The following CA10 variants were observed in gnomAD, a reference collection of about 807,000 sequenced individuals.
The protein encoded by CA10 is carbonic anhydrase-related protein 10.
A neutral mutation model predicts 44.2 loss-of-function variants in CA10; 14 were observed. The observed-to-expected ratio is 0.32, with a 90% confidence interval of 0.21 to 0.50. The LOEUF (loss-of-function observed/expected upper bound fraction) is 0.50. Among genes scored for constraint, CA10 ranks in the 20% least tolerant of loss-of-function variants. CA10 has a pLI of 0.99. For synonymous variants in CA10, 159 were observed against 141.6 expected (o/e 1.12, Z -0.87); for missense variants, 350 against 409.7 (o/e 0.85, Z 1.26).
intron 3 of CA10, among the ~76,000 whole-genome samples, chr17:51,848,298 GT>G (rs1177923858): frequency 6.6e-6 from 1 of 152,102 alleles, no homozygotes; most frequent in Admixed American, 6.6e-5. Flanking sequence ...TGATTACTAA[GT>G]TTTTTTGGTG....
At chr17:51,861,314 C>T (rs1471248416) in intron 3 of CA10, among the ~76,000 whole-genome samples, 2 of 152,008 alleles carry the variant, frequency 1.3e-5, no homozygotes, top group Admixed American at 6.6e-5. Flanking sequence ...GTTTCTCCAA[C>T]GTTGCAGAAC....
At chr17:52,036,666 C>A (rs1334645381) in intron 2 of CA10, among the ~76,000 whole-genome samples, 1 of 152,120 alleles carries the variant, frequency 6.6e-6, no homozygotes, top group African/African-American at 2.4e-5. Flanking sequence ...TAGCCTGGGT[C>A]AGTTATTTAA....
rs1306902028 is a variant in CA10, at chr17:51,717,743, ATAC to A, written c.465+29887_465+29889del. On this transcript the variant is annotated intron_variant, in intron 4 of 8. Transcript: ENST00000451037. ...CGTATATATACATATATACGTATAT[ATAC>A]ATGTATATATACGTATATATGTATA... Among the ~76,000 whole-genome samples, 10 of 50,730 alleles carry A rather than the reference ATAC, an allele frequency of 2.0e-4. 3 individuals are homozygous for A. Among genetic ancestry groups the A allele is most frequent in the Non-Finnish European group, 7.9e-5 (2 of 25,158 alleles). The allele number at this position is 50,730 out of a possible 152,430, so 33.3% of individuals were successfully genotyped here.
intron 6 of CA10, among the ~76,000 whole-genome samples, chr17:51,645,364 C>G (rs1465424628): frequency 6.6e-6 from 1 of 152,206 alleles, no homozygotes. Flanking sequence ...CTGACCCCCT[C>G]TAGAATTAAT....
intron 3 of CA10, among the ~76,000 whole-genome samples, chr17:51,775,781 A>G (rs1905795806): frequency 6.6e-6 from 1 of 152,128 alleles, no homozygotes; most frequent in Non-Finnish European, 1.5e-5. Context: ...TAATATTTAA[A>G]CAGGACTCAG....
intron 1 of CA10, among the ~76,000 whole-genome samples, chr17:52,100,809 G>A (rs1988520222): frequency 6.6e-6 from 1 of 152,020 alleles, no homozygotes; most frequent in African/African-American, 2.4e-5. Context: ...ACCCACCATC[G>A]ATCTTGCCCT....
intron 3 of CA10, among the ~76,000 whole-genome samples, chr17:51,878,570 G>C (rs1404560656): frequency 6.6e-6 from 1 of 151,896 alleles, no homozygotes; most frequent in African/African-American, 2.4e-5. Context: ...ACTCAACTCT[G>C]TAGGCACCAG....
At chr17:51,735,918 G>A (rs1042371562) in intron 4 of CA10, among the ~76,000 whole-genome samples, 4 of 22,016 alleles carry the variant, frequency 1.8e-4, no homozygotes, top group Non-Finnish European at 3.9e-4. Flanking sequence ...AGTGATTGCC[G>A]GGGCTAGGGT....
At chr17:51,761,678 A>G (rs1294337976) in intron 3 of CA10, 1 of 152,142 alleles carries the variant, frequency 6.6e-6, no homozygotes, top group Non-Finnish European at 1.5e-5. Context: ...GTTAATGACT[A>G]TGCATTTGGT....
intron 3 of CA10, among the ~76,000 whole-genome samples, chr17:51,782,846 G>A (rs1906116541): frequency 6.6e-6 from 1 of 152,192 alleles, no homozygotes; most frequent in South Asian, 2.1e-4. Flanking sequence ...ACCCAGCAGT[G>A]GTAGAGCAGT....
chr17:51,733,676 T>C (rs1916797739), intron 4 of CA10, among the ~76,000 whole-genome samples: 1 of 152,234 alleles, frequency 6.6e-6, no homozygotes, highest in Non-Finnish European at 1.5e-5. Context: ...AAACATTCTC[T>C]CTTTTGTTTG....
intron 3 of CA10, among the ~76,000 whole-genome samples, chr17:51,928,645 G>T (rs16950822): frequency 0.14 from 20,970 of 152,058 alleles, 1,761 homozygotes; most frequent in South Asian, 0.3. Flanking sequence ...ACCCAGCTTG[G>T]CTCAGACTTC....
chr17:52,064,072 A>G (rs2907789), intron 2 of CA10, among the ~76,000 whole-genome samples: 151,712 of 152,354 alleles, frequency 1, 75,536 homozygotes, highest in East Asian at 1. Context: ...TTCTCAGGAT[A>G]GGGAGATTTA....
chr17:52,108,560 C>T lies in CA10; in HGVS notation c.62-36167G>A, dbSNP rs149716004. On this transcript the variant is annotated intron_variant, in intron 1 of 8. Transcript: ENST00000451037. ...AAAAATACAAAAAAAATTAGCTGGG[C>T]GTGGTGGTGTGTGCCTGTAATCCCA... Among the ~76,000 whole-genome samples, 151 of 151,694 alleles carry T rather than the reference C, an allele frequency of 1.0e-3. 1 individual carries two copies. The East Asian group carries it at 0.023, about 23-fold the overall frequency.
chr17:52,049,697 A>T (rs980397463), intron 2 of CA10, among the ~76,000 whole-genome samples: 2 of 152,108 alleles, frequency 1.3e-5, no homozygotes, highest in Non-Finnish European at 2.9e-5. Flanking sequence ...ACAAATGTGT[A>T]TGTCCCCTCA....
intron 4 of CA10, among the ~76,000 whole-genome samples, chr17:51,701,503 C>G (rs903513441): frequency 2.0e-5 from 3 of 151,976 alleles, no homozygotes; most frequent in African/African-American, 7.3e-5. Context: ...TTTTATGTTT[C>G]TTGTTTGTTT....
chr17:51,696,552 C>A (rs1370198377), intron 4 of CA10, among the ~76,000 whole-genome samples: 2 of 151,912 alleles, frequency 1.3e-5, no homozygotes, highest in African/African-American at 4.8e-5. Flanking sequence ...TTTTTTGATT[C>A]TTTGTATGGA....
intron 6 of CA10, among the ~76,000 whole-genome samples, chr17:51,642,704 A>G (rs1225224402): frequency 3.3e-5 from 5 of 151,962 alleles, no homozygotes; most frequent in African/African-American, 9.7e-5. Context: ...GTGCAGTGGC[A>G]TGATCTTGGC....
chr17:51,804,909 T>C (rs7218006), intron 3 of CA10, among the ~76,000 whole-genome samples: 56,093 of 152,100 alleles, frequency 0.37, 10,989 homozygotes, highest in East Asian at 0.53. Flanking sequence ...AGTTCCTTAA[T>C]TGCAAATTTT....
Sources: gnomAD v4.1 joint callset for allele counts (sites outside exome capture counted in the v4.1 genomes callset) on GRCh38, gnomAD v4.1.1 for gene constraint, MANE v1.5 for transcripts, NCBI Gene and HGNC (gene_info 2026-07-23, HGNC 2026-07-21) for gene names.